PI4KA: variants seen among roughly 807,000 people sequenced by gnomAD.
PI4KA encodes the protein PI4-kinase alpha.
PI4KA carries 122 observed loss-of-function variants against 271.4 expected under a neutral mutation model. That is an observed-to-expected ratio of 0.45 (90% confidence interval 0.39 to 0.52). PI4KA has a LOEUF of 0.52. Ranked by LOEUF, PI4KA falls within the 20% of genes least tolerant of loss-of-function variation. PI4KA has a pLI of 0.00. For synonymous variants in PI4KA, 1,041 were observed against 1,078.8 expected (o/e 0.96, Z 0.69); for missense variants, 1,969 against 2,769.1 (o/e 0.71, Z 6.48).
At chr22:20,724,118 G>T (rs894732342) in intron 42 of PI4KA, among the ~76,000 whole-genome samples, 33 of 149,470 alleles carry the variant, frequency 2.2e-4, no homozygotes, top group African/African-American at 8.1e-4. Context: ...GATTACAGGC[G>T]TGAGCCACTG....
intron 19 of PI4KA, among the ~76,000 whole-genome samples, chr22:20,775,557 C>T (rs1216172132): frequency 6.6e-6 from 1 of 152,182 alleles, no homozygotes; most frequent in Non-Finnish European, 1.5e-5. Flanking sequence ...GATACGTTTT[C>T]CTGAATGCTT....
chr22:20,720,045 AAAAAAAC>A (rs1185319275), intron 43 of PI4KA, among the ~76,000 whole-genome samples: 1 of 150,786 alleles, frequency 6.6e-6, no homozygotes, highest in Non-Finnish European at 1.5e-5. Context: ...AAAAAAAAAA[AAAAAAAC>A]CCTTTCTGGT....
intron 1 of PI4KA, among the ~76,000 whole-genome samples, chr22:20,848,052 AC>A (rs1926489274): frequency 6.6e-6 from 1 of 152,138 alleles, no homozygotes; most frequent in Non-Finnish European, 1.5e-5. Context: ...AGCCTGGCCA[AC>A]ATGGCAAAAC....
At chr22:20,734,674 G>T (rs1928493678) in intron 32 of PI4KA, 121 bp from the exon 33 acceptor site, 1 of 1,069,900 alleles carries the variant, frequency 9.3e-7, no homozygotes, top group South Asian at 1.6e-5. Flanking sequence ...ACCAAGAAAA[G>T]TATGAAGAAA....
chr22:20,730,432 G>T (rs1927889937), intron 36 of PI4KA, among the ~76,000 whole-genome samples: 8 of 151,330 alleles, frequency 5.3e-5, no homozygotes, highest in Admixed American at 5.3e-4. Flanking sequence ...CTGACACCAT[G>T]CCCAGTTAAT....
At chr22:20,751,631 G>C in intron 26 of PI4KA, 43 bp downstream of exon 26, 1 of 1,500,396 alleles carries the variant, frequency 6.7e-7, no homozygotes, top group South Asian at 1.1e-5. Flanking sequence ...GGTGGTGGTA[G>C]AGCGGGTGGT....
chr22:20,726,523 T>C lies in PI4KA; in HGVS notation c.4960A>G (p.Ile1654Val). The C allele has an allele frequency of 6.3e-7, 1 of 1,583,316 alleles. No homozygotes were observed. The highest frequency in any genetic ancestry group is 8.6e-7 in the Non-Finnish European group (1 of 1,168,216). The change falls in exon 42 of 55, where the codon ATC becomes GTC. Residue 1654 changes from isoleucine (I) to valine (V), a missense_variant. Around this residue, in one of 13 missense-constraint regions of PI4KA, gnomAD observed 388 missense variants for 521.5 expected, o/e 0.74. Transcript: ENST00000255882. ...SFPPDAILFY[I>V]PQIVQALRYD... Reference sequence around the variant, plus strand: ...CTGAGGGCCTGCACAATCTGGGGGATGTAGAAGAGGATGGCGTCCTGTGGA... The same window carrying C: ...CTGAGGGCCTGCACAATCTGGGGGACGTAGAAGAGGATGGCGTCCTGTGGA...
At chr22:20,747,983 G>C (rs888512699) in intron 28 of PI4KA, among the ~76,000 whole-genome samples, 1 of 152,134 alleles carries the variant, frequency 6.6e-6, no homozygotes, top group South Asian at 2.1e-4. Context: ...TGATCCTCCC[G>C]CCTCAGCATC....
intron 29 of PI4KA, among the ~76,000 whole-genome samples, chr22:20,747,025 C>A (rs1930188368): frequency 6.6e-6 from 1 of 152,212 alleles, no homozygotes; most frequent in Non-Finnish European, 1.5e-5. Context: ...CCAACAAAAT[C>A]TCTGACCAGC....
intron 1 of PI4KA, among the ~76,000 whole-genome samples, chr22:20,852,515 CA>C (rs1794759195): frequency 6.6e-6 from 1 of 152,172 alleles, no homozygotes; most frequent in South Asian, 2.1e-4. Flanking sequence ...GGCAGCCTAG[CA>C]AACTAATAGT....
chr22:20,762,804 T>C (rs1932108660), intron 22 of PI4KA, among the ~76,000 whole-genome samples: 1 of 152,158 alleles, frequency 6.6e-6, no homozygotes, highest in South Asian at 2.1e-4. Flanking sequence ...GTCAGTGTTT[T>C]TTCTCTCTCT....
chr22:20,784,020 TC>T, intron 19 of PI4KA: 2 of 1,614,072 alleles, frequency 1.2e-6, no homozygotes, highest in African/African-American at 1.3e-5. Flanking sequence ...AACCACAACT[TC>T]CGGCTGAATG....
chr22:20,761,357 A>T lies in PI4KA; in HGVS notation c.2738T>A (p.Phe913Tyr), dbSNP rs767306215. The T allele has an allele frequency of 2.5e-6, 4 of 1,612,678 alleles. No individual in the cohort carries two copies. The East Asian group carries it at 8.9e-5, about 36-fold the overall frequency. Residue 913 changes from phenylalanine to tyrosine, a missense_variant, in exon 23 of 55, where the codon TTC becomes TAC. Coordinates refer to ENST00000255882, the MANE Select transcript of PI4KA (RefSeq NM_058004.4). ...CTCAAAGTAGCAGAACATTACCTGG[A>T]AGCGATCAGGATCTGTTGAACGCAG... ...RVLRSTDPDR[F>Y]QVMFCYFEDK... is the part of the protein sequence containing the mutation.
chr22:20,723,035 CT>C (rs201708519), intron 42 of PI4KA, among the ~76,000 whole-genome samples: 79 of 145,312 alleles, frequency 5.4e-4, no homozygotes, highest in Admixed American at 7.6e-4. Flanking sequence ...TTTACTGTTC[CT>C]TTTTTTTTTT....
intron 19 of PI4KA, among the ~76,000 whole-genome samples, chr22:20,780,701 G>A (rs1425043290): frequency 2.0e-5 from 3 of 149,038 alleles, no homozygotes; most frequent in African/African-American, 5.0e-5. Flanking sequence ...ACTTGAACCT[G>A]GAAGGCAGAG....
chr22:20,752,833 T>C (rs1930853255), intron 25 of PI4KA, 70 bp downstream of exon 25: 4 of 1,518,940 alleles, frequency 2.6e-6, no homozygotes, highest in Non-Finnish European at 3.6e-6. Context: ...AAGGATGATT[T>C]TTCCCAGCAT....
Position 20,707,780 on chromosome 22 carries a change from G to A in PI4KA, c.*267C>T. On this transcript the variant is annotated 3_prime_UTR_variant, in exon 55 of 55. Transcript: ENST00000255882. ...TATACACAATACTTCATGTACCTAT[G>A]AAATAAGACAGGTAGGGAATATGTC... 10 of 555,632 alleles carry A rather than the reference G, an allele frequency of 1.8e-5. No individual in the cohort carries two copies. In the South Asian group the frequency reaches 2.0e-4, roughly 11 times the overall value. 34.4% of individuals were successfully genotyped at this position (555,632 alleles called of 1,614,324 possible).
chr22:20,854,444 A>G (rs1438905440), intron 1 of PI4KA, among the ~76,000 whole-genome samples: 4 of 152,058 alleles, frequency 2.6e-5, no homozygotes, highest in Admixed American at 6.6e-5. Flanking sequence ...TTTTTTAAGT[A>G]AAGTCCACAG....
intron 19 of PI4KA, chr22:20,787,053 C>T: frequency 1.2e-6 from 2 of 1,614,114 alleles, no homozygotes; most frequent in Non-Finnish European, 1.7e-6. Context: ...GTGGCCAACC[C>T]CAGCAGGTCC....
Sources: gnomAD v4.1 joint callset for allele counts (sites outside exome capture counted in the v4.1 genomes callset) on GRCh38, gnomAD v4.1.1 for gene constraint, gnomAD v4.1.1 regional missense constraint, MANE v1.5 for transcripts, NCBI Gene and HGNC (gene_info 2026-07-23, HGNC 2026-07-21) for gene names.